ARHGAP10: variants seen among roughly 807,000 people sequenced by gnomAD.
ARHGAP10 encodes Rho GTPase activating protein 10.
In ARHGAP10, 87 loss-of-function variants were observed where a neutral mutation model predicts 108.6. The observed-to-expected ratio is 0.80, with a 90% CI of 0.67 to 0.96. The LOEUF (loss-of-function observed/expected upper bound fraction) is 0.96, where lower values mean the gene tolerates loss of function less well. ARHGAP10 is among the 40% of genes least tolerant of loss of function. ARHGAP10 has a pLI of 0.00. For synonymous variants in ARHGAP10, 347 were observed against 341.1 expected (o/e 1.02, Z -0.19); for missense variants, 939 against 954.5 (o/e 0.98, Z 0.21).
At chr4:147,783,107 A>G (rs1272251831) in intron 1 of ARHGAP10, among the ~76,000 whole-genome samples, 1 of 143,282 alleles carries the variant, frequency 7.0e-6, no homozygotes, top group Non-Finnish European at 1.5e-5. Context: ...TGTAAATTAT[A>G]TGTTAAATTA....
intron 18 of ARHGAP10, among the ~76,000 whole-genome samples, chr4:147,969,691 A>G (rs576446409): frequency 1.3e-5 from 2 of 152,318 alleles, no homozygotes; most frequent in South Asian, 2.1e-4. Context: ...GGAAGTAGAT[A>G]GTGCTGCTTT....
chr4:147,785,636 A>AGCT (rs1030988697), intron 1 of ARHGAP10, among the ~76,000 whole-genome samples: 33 of 152,218 alleles, frequency 2.2e-4, no homozygotes, highest in Middle Eastern at 3.4e-3. Context: ...ATCATGTCTG[A>AGCT]GCTCTTTTTT....
intron 18 of ARHGAP10, among the ~76,000 whole-genome samples, chr4:147,971,188 AAAGGGT>A: frequency 6.6e-6 from 1 of 152,092 alleles, no homozygotes; most frequent in African/African-American, 2.4e-5. Context: ...CCCAGGTGGC[AAAGGGT>A]GCTGTGAACT....
At chr4:148,020,644 G>T (rs1479371222) in intron 18 of ARHGAP10, among the ~76,000 whole-genome samples, 1 of 151,422 alleles carries the variant, frequency 6.6e-6, no homozygotes, top group East Asian at 1.9e-4. Context: ...TTTTATGACT[G>T]CATAGTATTC....
chr4:147,773,998 G>C (rs936616854), intron 1 of ARHGAP10, among the ~76,000 whole-genome samples: 3 of 152,108 alleles, frequency 2.0e-5, no homozygotes, highest in Admixed American at 2.0e-4. Flanking sequence ...GTCATTCCTG[G>C]CTCTGCCACT....
chr4:148,066,557 C>T (rs547522078), intron 22 of ARHGAP10, among the ~76,000 whole-genome samples: 26 of 152,332 alleles, frequency 1.7e-4, no homozygotes, highest in African/African-American at 6.3e-4. Context: ...CGTGTACACA[C>T]GTACACATAC....
At chr4:147,822,687 A>G in intron 1 of ARHGAP10, 40 bp from the exon 2 acceptor site, 1 of 1,583,400 alleles carries the variant, frequency 6.3e-7, no homozygotes, top group Non-Finnish European at 8.7e-7. Context: ...GCTTTGACAT[A>G]AAACAAGAAC....
At chr4:147,853,561 A>C (rs1039610339) in intron 4 of ARHGAP10, among the ~76,000 whole-genome samples, 2 of 152,218 alleles carry the variant, frequency 1.3e-5, no homozygotes, top group African/African-American at 4.8e-5. Context: ...AATTATGTTT[A>C]AACTTTTATG....
intron 4 of ARHGAP10, among the ~76,000 whole-genome samples, chr4:147,850,774 C>T (rs1021382798): frequency 2.0e-5 from 3 of 152,212 alleles, no homozygotes; most frequent in African/African-American, 7.2e-5. Context: ...CCTGATGCAT[C>T]ACGTCAAGAG....
In ARHGAP10 at chr4:147,924,434, A is replaced by G. The variant is rs114939969; in HGVS notation, c.1228+11295A>G. Among the ~76,000 whole-genome samples, 245 of 152,324 alleles carry G rather than the reference A, an allele frequency of 1.6e-3. 1 individual carries two copies. Among genetic ancestry groups the G allele is most frequent in the African/African-American group, 4.5e-3 (185 of 41,564 alleles). ...TAACGCATCCACAGAATAGAAATGA[A>G]GAAAATTAATAGGACTTTATTCTAT... is the stretch of plus-strand genomic sequence containing the variant. On this transcript the variant is annotated intron_variant, in intron 13 of 22. Coordinates refer to ENST00000336498, the MANE Select transcript of ARHGAP10 (RefSeq NM_024605.4).
intron 18 of ARHGAP10, among the ~76,000 whole-genome samples, chr4:147,983,958 A>G (rs76933341): frequency 6.6e-6 from 1 of 151,742 alleles, no homozygotes. Context: ...TATTGTTTGG[A>G]TGAGAGTTCT....
chr4:147,887,589 C>T (rs184760008), intron 10 of ARHGAP10, among the ~76,000 whole-genome samples: 3 of 152,142 alleles, frequency 2.0e-5, no homozygotes, highest in South Asian at 2.1e-4. Context: ...TGGCCAGGTG[C>T]GGTGGCTCAT....
At chr4:147,775,737 A>C (rs1283137894) in intron 1 of ARHGAP10, among the ~76,000 whole-genome samples, 1 of 152,142 alleles carries the variant, frequency 6.6e-6, no homozygotes. Context: ...CTCCCTAGGC[A>C]TGGGGGCTCT....
intron 1 of ARHGAP10, among the ~76,000 whole-genome samples, chr4:147,817,617 C>G (rs1732308259): frequency 1.3e-5 from 2 of 152,144 alleles, no homozygotes; most frequent in Non-Finnish European, 2.9e-5. Context: ...GCTCCTAACC[C>G]TGGGAAGAAT....
At chr4:147,881,130 C>T (rs760242219) in intron 9 of ARHGAP10, among the ~76,000 whole-genome samples, 1 of 151,700 alleles carries the variant, frequency 6.6e-6, no homozygotes, top group Non-Finnish European at 1.5e-5. Flanking sequence ...AAAAATTAGC[C>T]AGTCATGGTG....
At chr4:147,760,963 A>T (rs183377025) in intron 1 of ARHGAP10, among the ~76,000 whole-genome samples, 1 of 152,296 alleles carries the variant, frequency 6.6e-6, no homozygotes, top group Non-Finnish European at 1.5e-5. Context: ...TGAGAACTGT[A>T]AAAGAGCTGG....
chr4:147,856,226 T>C (rs949947174), intron 4 of ARHGAP10, among the ~76,000 whole-genome samples: 4 of 152,242 alleles, frequency 2.6e-5, no homozygotes, highest in African/African-American at 9.6e-5. Flanking sequence ...AAAGCTTCTA[T>C]AGCAAAAGGA....
At chr4:147,819,288 G>C (rs1286290686) in intron 1 of ARHGAP10, among the ~76,000 whole-genome samples, 1 of 152,090 alleles carries the variant, frequency 6.6e-6, no homozygotes, top group African/African-American at 2.4e-5. Flanking sequence ...GCTTATGCCA[G>C]TCTATTCATA....
chr4:147,784,733 T>C (rs1327034565), intron 1 of ARHGAP10, among the ~76,000 whole-genome samples: 1 of 30,560 alleles, frequency 3.3e-5, no homozygotes, highest in East Asian at 1.6e-3. Context: ...TATTATAAAA[T>C]ATATATTATA....
Sources: allele counts gnomAD v4.1 joint callset (sites outside exome capture counted in the v4.1 genomes callset), GRCh38; gene constraint gnomAD v4.1.1; transcripts MANE v1.5; gene names NCBI Gene and HGNC (gene_info 2026-07-23, HGNC 2026-07-21).